The following FER1L6 variants were observed in gnomAD, a reference collection of about 807,000 sequenced individuals.
FER1L6 encodes fer-1 like family member 6, also known as fer-1-like protein 6.
Under a neutral mutation model 219.2 loss-of-function variants are expected in FER1L6, and 177 were observed. That is an observed-to-expected ratio of 0.81 (90% CI 0.71 to 0.91). FER1L6 has a LOEUF of 0.91. Ranked by LOEUF, FER1L6 falls within the 40% of genes least tolerant of loss-of-function variation. FER1L6 has a pLI of 0.00. For missense variants in FER1L6, 2,153 were observed against 2,259.9 expected (o/e 0.95, Z 0.96); for synonymous variants, 768 against 824.3 (o/e 0.93, Z 1.17).
chr8:123,944,455 TG>T (rs1023779953), intron 1 of FER1L6, among the ~76,000 whole-genome samples: 1 of 151,864 alleles, frequency 6.6e-6, no homozygotes, highest in African/African-American at 2.4e-5. Flanking sequence ...AATTCATAGC[TG>T]GGTAACTGAG....
rs535637025 is a variant in FER1L6, at chr8:124,013,498, A to G, written c.1889A>G (p.Lys630Arg). Reference protein sequence around the residue: ...ISQEAPEEKMKTVLSDFISRS... With the variant: ...ISQEAPEEKMRTVLSDFISRS... ...CAGGAGGCACCTGAAGAGAAAATGA[A>G]AACAGTGCTCAGTGACTTCATCAGT... The change falls in exon 15 of 41, where the codon AAA becomes AGA. Residue 630 changes from lysine to arginine, a missense_variant. By Grantham distance (26) the Lys-to-Arg change is conservative. Transcript: ENST00000522917. 4.3e-5 allele frequency: 69 copies of G among 1,610,532 alleles called. No homozygotes were observed. The highest frequency in any genetic ancestry group is 3.3e-4 in the Middle Eastern group (2 of 6,040).
At chr8:123,966,535 G>A (rs1012848397) in intron 5 of FER1L6, among the ~76,000 whole-genome samples, 5 of 152,080 alleles carry the variant, frequency 3.3e-5, no homozygotes, top group Middle Eastern at 6.3e-3. Flanking sequence ...TTCAACATAC[G>A]TTTTCTTATT....
chr8:123,926,061 A>C (rs773308276), intron 1 of FER1L6: 5 of 152,218 alleles, frequency 3.3e-5, no homozygotes, highest in Non-Finnish European at 5.9e-5. Context: ...TATAATGGCT[A>C]TATAAATTAT....
chr8:124,084,127 T>C (rs1821691504), intron 33 of FER1L6, among the ~76,000 whole-genome samples: 1 of 152,138 alleles, frequency 6.6e-6, no homozygotes. Flanking sequence ...CCTGCAACTT[T>C]ACTGAATTTA....
chr8:124,037,895 C>T (rs1312725205), intron 19 of FER1L6, among the ~76,000 whole-genome samples: 2 of 152,094 alleles, frequency 1.3e-5, no homozygotes, highest in African/African-American at 4.8e-5. Context: ...AGTGCCTAAA[C>T]TCTGGTCCTT....
At chr8:124,011,056 C>T (rs538732120) in intron 14 of FER1L6, among the ~76,000 whole-genome samples, 1 of 152,278 alleles carries the variant, frequency 6.6e-6, no homozygotes, top group Admixed American at 6.5e-5. Flanking sequence ...AATAAAAAAT[C>T]CTAAGTCCCT....
chr8:124,039,986 TC>T lies in FER1L6; in HGVS notation c.2570del (p.Ser857PhefsTer8). On this transcript the variant is annotated frameshift_variant, in exon 20 of 41. Transcript: ENST00000522917. LOFTEE classifies it high-confidence loss of function. ...CCCTTTTGCCAAAGTCACGTTCCTT[TC>T]TCACTGCCAGACAACAAAGGTAACC... The part of the protein sequence containing the change: ...SDPFAKVTFL[S>X]HCQTTKIISQ... 1 of 1,614,094 alleles carries T rather than the reference TC, an allele frequency of 6.2e-7. No individual in the cohort carries two copies. Among genetic ancestry groups the T allele is most frequent in the South Asian group, 1.1e-5 (1 of 91,086 alleles).
chr8:124,067,174 G>A (rs372005772), intron 27 of FER1L6, among the ~76,000 whole-genome samples: 8 of 152,324 alleles, frequency 5.3e-5, no homozygotes, highest in Middle Eastern at 6.8e-3. Flanking sequence ...AAATTACTCC[G>A]ATGTTGTATT....
At chr8:123,948,357 G>A (rs1180520257) in intron 1 of FER1L6, among the ~76,000 whole-genome samples, 1 of 152,134 alleles carries the variant, frequency 6.6e-6, no homozygotes, top group Non-Finnish European at 1.5e-5. Flanking sequence ...AACATAAAAA[G>A]CCATACCCAC....
chr8:124,035,715 T>C (rs902589116), intron 19 of FER1L6, among the ~76,000 whole-genome samples: 1 of 152,250 alleles, frequency 6.6e-6, no homozygotes. Context: ...AGTTTCTTTG[T>C]AGGCAGATTA....
At chr8:124,116,622 A>T (rs1388497457) in intron 39 of FER1L6, among the ~76,000 whole-genome samples, 2 of 152,242 alleles carry the variant, frequency 1.3e-5, no homozygotes. Context: ...GGGCAGCTGC[A>T]ATCCTCTTAC....
Position 124,013,449 on chromosome 8 carries a change from G to A in FER1L6, c.1840G>A (p.Val614Met). ...ADFLEESIEEVRELIKISQEA... is the reference protein window; with the variant it reads ...ADFLEESIEEMRELIKISQEA... The stretch of plus-strand genomic sequence containing the variant: ...TTTTCAGGAAGAAAGTATAGAAGAA[G>A]TGAGAGAATTGATCAAGATTTCACA... The change falls in exon 15 of 41, where the codon GTG (valine) becomes ATG (methionine). Residue 614 changes from valine to methionine, a missense_variant. Physicochemically the swap from Val to Met is conservative, Grantham distance 21. Transcript: ENST00000522917. 1.9e-6 allele frequency: 3 copies of A among 1,608,472 alleles called. No individual in the cohort carries two copies. Among genetic ancestry groups the A allele is most frequent in the Non-Finnish European group, 1.7e-6 (2 of 1,178,244 alleles).
chr8:123,993,544 C>A (rs1473918458), intron 12 of FER1L6, among the ~76,000 whole-genome samples: 1 of 152,036 alleles, frequency 6.6e-6, no homozygotes, highest in Non-Finnish European at 1.5e-5. Flanking sequence ...TACAGACTTT[C>A]CTGCTGAGCC....
At chr8:123,885,902 C>T (rs1817193288) in intron 1 of FER1L6, among the ~76,000 whole-genome samples, 1 of 152,208 alleles carries the variant, frequency 6.6e-6, no homozygotes, top group African/African-American at 2.4e-5. Context: ...CCCCCACTTA[C>T]ATTCTGGACC....
intron 12 of FER1L6, 71 bp downstream of exon 12, chr8:123,986,247 A>G: frequency 1.1e-6 from 1 of 920,988 alleles, no homozygotes; most frequent in Non-Finnish European, 1.7e-6. Flanking sequence ...TAAATGAGTT[A>G]GTGCCTTACA....
Position 124,074,237 on chromosome 8 carries a change from TGC to T in FER1L6, c.4093-1960_4093-1959del, listed in dbSNP as rs1586671304. ...CATCATTCAACTGGTCAGTGCTAAA[TGC>T]AAGAGTCATAGGGTCATGGATTCAG... On this transcript the variant is annotated intron_variant, in intron 31 of 40. Coordinates refer to ENST00000522917, the MANE Select transcript of FER1L6 (RefSeq NM_001039112.2). Among the ~76,000 whole-genome samples the T allele has an allele frequency of 2.0e-5, 3 of 152,330 alleles. No homozygotes were observed. In the East Asian group the frequency reaches 5.8e-4, roughly 29 times the overall value.
intron 10 of FER1L6, 84 bp from the exon 11 acceptor site, chr8:123,980,381 G>T (rs777905926): frequency 3.9e-5 from 43 of 1,111,662 alleles, no homozygotes; most frequent in Non-Finnish European, 5.4e-5. Context: ...GTCTTTCTTG[G>T]ATATTCTACA....
intron 1 of FER1L6, among the ~76,000 whole-genome samples, chr8:123,934,979 T>C (rs1446017080): frequency 6.6e-6 from 1 of 152,208 alleles, no homozygotes; most frequent in African/African-American, 2.4e-5. Context: ...ATGCTTCCTG[T>C]TAAGCCTGTA....
At chr8:124,002,750 C>G (rs1817473860) in intron 12 of FER1L6, among the ~76,000 whole-genome samples, 1 of 134,900 alleles carries the variant, frequency 7.4e-6, no homozygotes, top group African/African-American at 2.8e-5. Context: ...ACAGAAGAAG[C>G]AGGTTTGGAA....
Sources: gnomAD v4.1 joint callset for allele counts (sites outside exome capture counted in the v4.1 genomes callset) on GRCh38, gnomAD v4.1.1 for gene constraint, MANE v1.5 for transcripts, NCBI Gene and HGNC (gene_info 2026-07-23, HGNC 2026-07-21) for gene names.